RLN2: variants seen among roughly 807,000 people sequenced by gnomAD.
RLN2 encodes the protein relaxin 2.
A neutral mutation model predicts 7.3 loss-of-function variants in RLN2; 10 were observed. The ratio of observed to expected loss-of-function variants is 1.36; its 90% CI spans 0.84 to 2.31. The LOEUF (loss-of-function observed/expected upper bound fraction) is 2.31. Among genes scored for constraint, RLN2 ranks in the 30% most tolerant of loss-of-function variants. The pLI is 0.00. For synonymous variants in RLN2, 103 were observed against 82.3 expected (o/e 1.25, Z -1.36); for missense variants, 298 against 217.6 (o/e 1.37, Z -2.32).
the RLN2 span, among the ~76,000 whole-genome samples, chr9:5,323,773 C>T: frequency 1.3e-5 from 2 of 151,884 alleles, no homozygotes; most frequent in Admixed American, 6.6e-5. Flanking sequence ...AGGCCAGGCA[C>T]GGTGGCTCAT....
At chr9:5,336,784 G>C in the RLN2 span, among the ~76,000 whole-genome samples, 4 of 151,904 alleles carry the variant, frequency 2.6e-5, no homozygotes, top group Non-Finnish European at 4.4e-5. Context: ...ATAATGAAAA[G>C]AAAGAGAAGA....
At chr9:5,306,109 GTT>G (rs199949652), upstream of RLN2, among the ~76,000 whole-genome samples, 79 of 131,510 alleles carry the variant, frequency 6.0e-4, no homozygotes, top group African/African-American at 1.5e-3. Context: ...TTTGTTTTTT[GTT>G]TTTTTTTTTT....
At chr9:5,336,780 AAAAG>A in the RLN2 span, among the ~76,000 whole-genome samples, 3 of 151,970 alleles carry the variant, frequency 2.0e-5, no homozygotes, top group East Asian at 1.9e-4. Context: ...TGAAATAATG[AAAAG>A]AAAGAGAAGA....
upstream of RLN2, among the ~76,000 whole-genome samples, chr9:5,307,382 A>T (rs1252830399): frequency 1.3e-5 from 2 of 151,974 alleles, no homozygotes; most frequent in African/African-American, 4.8e-5. Context: ...ACTTACAGTC[A>T]TCAGTTTCCT....
chr9:5,323,017 C>G, the RLN2 span, among the ~76,000 whole-genome samples: 1 of 151,560 alleles, frequency 6.6e-6, no homozygotes, highest in Non-Finnish European at 1.5e-5. Flanking sequence ...GTAAATGTAT[C>G]TATCTTTGCC....
chr9:5,304,047 C>T (rs1248756659), intron 1 of RLN2: 1 of 218,098 alleles, frequency 4.6e-6, no homozygotes, highest in South Asian at 2.4e-5. Flanking sequence ...GGCGTCACCT[C>T]CTCTGAGGCT....
At chr9:5,304,152 C>G (rs1323697751) in intron 1 of RLN2, 1 of 439,910 alleles carries the variant, frequency 2.3e-6, no homozygotes, top group Non-Finnish European at 3.8e-6. Flanking sequence ...AGTGCTTTCC[C>G]TCCGTCCGGT....
At chr9:5,304,145 GCTTTCC>G in intron 1 of RLN2, 1 of 423,802 alleles carries the variant, frequency 2.4e-6, no homozygotes, top group Non-Finnish European at 4.0e-6. Context: ...TGTTCTCAGT[GCTTTCC>G]CTCCGTCCGG....
the RLN2 span, among the ~76,000 whole-genome samples, chr9:5,319,909 A>C: frequency 6.6e-6 from 1 of 151,994 alleles, no homozygotes; most frequent in African/African-American, 2.4e-5. Flanking sequence ...GCACCTTTAA[A>C]GATGTTCTTA....
chr9:5,300,825 A>G (rs1249013694), intron 1 of RLN2, among the ~76,000 whole-genome samples: 1 of 152,110 alleles, frequency 6.6e-6, no homozygotes, highest in African/African-American at 2.4e-5. Context: ...TAGTTAAGTC[A>G]TTTTCTTCCA....
the RLN2 span, chr9:5,335,469 G>C: frequency 6.2e-7 from 1 of 1,613,356 alleles, no homozygotes; most frequent in Non-Finnish European, 8.5e-7. Context: ...GGTACATACT[G>C]CTGTAGCTCT....
chr9:5,301,733 T>C (rs2130990446), intron 1 of RLN2, among the ~76,000 whole-genome samples: 1 of 152,250 alleles, frequency 6.6e-6, no homozygotes, highest in Non-Finnish European at 1.5e-5. Flanking sequence ...TAGACAGCGG[T>C]GGTTCTGGGG....
At chr9:5,321,805 T>G in the RLN2 span, among the ~76,000 whole-genome samples, 7 of 151,956 alleles carry the variant, frequency 4.6e-5, no homozygotes, top group Non-Finnish European at 4.4e-5. Flanking sequence ...TGCCCTCAGG[T>G]CACTGAACTT....
In RLN2 at chr9:5,304,503, T is replaced by C. The variant is rs1816202491; in HGVS notation, c.78A>G (p.Ser26=). 1 of 1,613,670 alleles carries C rather than the reference T, an allele frequency of 6.2e-7. No homozygotes were observed. The highest frequency in any genetic ancestry group is 1.3e-5 in the African/African-American group (1 of 74,764). Residue 26 remains serine, a synonymous_variant, in exon 1 of 2, where the codon TCA becomes TCG. Coordinates refer to ENST00000381627, the MANE Select transcript of RLN2 (RefSeq NM_134441.3). ...LNQFSRAVAD[S]WMEEVIKLCG... ...ATAATTTAATAACTTCCTCCATCCA[T>C]GAGTCCGCGACTGCTCTGGAAAATT...
chr9:5,332,755 A>G, the RLN2 span, among the ~76,000 whole-genome samples: 1 of 151,734 alleles, frequency 6.6e-6, no homozygotes, highest in African/African-American at 2.4e-5. Flanking sequence ...AGCTGGGATT[A>G]CAGGCGCACA....
chr9:5,335,102 A>C, the RLN2 span: 2 of 522,300 alleles, frequency 3.8e-6, no homozygotes, highest in Non-Finnish European at 6.6e-6. Flanking sequence ...TCATACAAAG[A>C]ATATTTTCTT....
At chr9:5,334,282 C>G in the RLN2 span, among the ~76,000 whole-genome samples, 1 of 151,988 alleles carries the variant, frequency 6.6e-6, no homozygotes, top group Non-Finnish European at 1.5e-5. Flanking sequence ...TGACTCAGCC[C>G]AAAAGCTTCT....
At chr9:5,324,100 G>A in the RLN2 span, among the ~76,000 whole-genome samples, 1 of 151,888 alleles carries the variant, frequency 6.6e-6, no homozygotes, top group South Asian at 2.1e-4. Context: ...TCTTAAGGTG[G>A]TGGTAGTCAT....
chr9:5,317,992 C>CTGTGTGTGTGCG, the RLN2 span, among the ~76,000 whole-genome samples: 4 of 71,532 alleles, frequency 5.6e-5, no homozygotes, highest in African/African-American at 2.7e-4. Context: ...TTTAACAAAA[C>CTGTGTGTGTGCG]TATGTGTGTG....
Sources: allele counts gnomAD v4.1 joint callset (sites outside exome capture counted in the v4.1 genomes callset), GRCh38; gene constraint gnomAD v4.1.1; transcripts MANE v1.5; gene names NCBI Gene and HGNC (gene_info 2026-07-23, HGNC 2026-07-21).